The following TRPM3 variants were observed in gnomAD, a reference collection of about 807,000 sequenced individuals.
TRPM3 encodes the protein long transient receptor potential channel 3.
A neutral mutation model predicts 181.2 loss-of-function variants in TRPM3; 77 were observed. The ratio of observed to expected loss-of-function variants is 0.42; its 90% CI spans 0.35 to 0.51. The LOEUF is 0.51. TRPM3 is among the 20% of genes least tolerant of loss of function. The probability of loss-of-function intolerance (pLI) is 0.01; values close to 1 mark genes in which losing one functional copy is unlikely to be tolerated. For missense variants in TRPM3, 1,759 were observed against 2,196.7 expected (o/e 0.80, Z 3.98); for synonymous variants, 745 against 796.4 (o/e 0.94, Z 1.09).
intron 1 of TRPM3, among the ~76,000 whole-genome samples, chr9:70,985,472 T>C (rs1397142608): frequency 6.6e-6 from 1 of 152,218 alleles, no homozygotes; most frequent in Non-Finnish European, 1.5e-5. Context: ...GGTATGTATA[T>C]TTCCAAGCTT....
intron 16 of TRPM3, among the ~76,000 whole-genome samples, chr9:70,619,798 A>T (rs2063360675): frequency 6.6e-6 from 1 of 152,040 alleles, no homozygotes; most frequent in Non-Finnish European, 1.5e-5. Flanking sequence ...GGTTACTTAA[A>T]TTCTCTGAGC....
chr9:71,304,887 C>T (rs2087123993), intron 1 of TRPM3, among the ~76,000 whole-genome samples: 1 of 152,130 alleles, frequency 6.6e-6, no homozygotes, highest in Non-Finnish European at 1.5e-5. Flanking sequence ...GTCTTCTCTC[C>T]TTGCCTAGGA....
chr9:71,172,978 A>T (rs993121431), intron 1 of TRPM3, among the ~76,000 whole-genome samples: 1 of 152,196 alleles, frequency 6.6e-6, no homozygotes, highest in African/African-American at 2.4e-5. Flanking sequence ...AAACCATAAT[A>T]AACTAGAAAA....
In TRPM3 at chr9:70,615,961, C is replaced by G; in HGVS notation, c.2473G>C (p.Glu825Gln). The G allele has an allele frequency of 6.2e-7, 1 of 1,613,068 alleles. No homozygotes were observed. The highest frequency in any genetic ancestry group is 8.5e-7 in the Non-Finnish European group (1 of 1,179,550). Residue 825 changes from glutamate (E) to glutamine (Q), a missense_variant, in exon 18 of 26, where the codon GAA becomes CAA. Glu to Gln is a conservative substitution (Grantham distance 29). Coordinates refer to ENST00000677713, the MANE Select transcript of TRPM3 (RefSeq NM_001366145.2). ...TCCTTTGTGGGCTTCTCTGGTTCTTCTGCCTCCTTCTCTTGGAGGTGGATT... is the reference window on the plus strand; with the variant it reads ...TCCTTTGTGGGCTTCTCTGGTTCTTGTGCCTCCTTCTCTTGGAGGTGGATT... ...QEIHLQEKEA[E>Q]EPEKPTKEKE...
In TRPM3 at chr9:70,531,952, A is replaced by C. The variant is rs2040937010; in HGVS notation, c.*4001T>G. The stretch of plus-strand genomic sequence containing the variant: ...TAAATAACATGGAATTGGGAACATA[A>C]TTAATCATTGCAACATGTGTTTCTT... On this transcript the variant is annotated 3_prime_UTR_variant, in exon 26 of 26. Transcript: ENST00000677713. The C allele has an allele frequency of 8.7e-6, 1 of 115,124 alleles. No individual in the cohort carries two copies. Among genetic ancestry groups the C allele is most frequent in the South Asian group, 4.3e-4 (1 of 2,324 alleles). The allele number at this position is 115,124 out of a possible 1,614,324, so 7.1% of individuals were successfully genotyped here. A position where few individuals can be genotyped will look rare whatever the true frequency, so the allele number is the denominator to read the frequency against.
At chr9:70,679,669 A>G (rs1187589637) in intron 9 of TRPM3, among the ~76,000 whole-genome samples, 1 of 152,184 alleles carries the variant, frequency 6.6e-6, no homozygotes, top group Non-Finnish European at 1.5e-5. Context: ...CTATGCCCCA[A>G]TTTCCTTATT....
chr9:70,819,184 G>A (rs955578389), intron 6 of TRPM3, among the ~76,000 whole-genome samples: 1 of 152,148 alleles, frequency 6.6e-6, no homozygotes, highest in African/African-American at 2.4e-5. Context: ...AGACTGTCCT[G>A]CATATTGTAG....
chr9:71,314,062 C>G lies in TRPM3; in HGVS notation c.183+132591G>C, dbSNP rs146692610. On this transcript the variant is annotated intron_variant, in intron 1 of 24. Transcript: ENST00000357533. Reference sequence around the variant, plus strand: ...CCACTGTTAAAGGCTGAGGACCTCACAATAGAGTCAATAATTTATTTAACT... The same window carrying G: ...CCACTGTTAAAGGCTGAGGACCTCAGAATAGAGTCAATAATTTATTTAACT... Among the ~76,000 whole-genome samples, 291 of 152,202 alleles carry G rather than the reference C, an allele frequency of 1.9e-3. 4 individuals are homozygous for G. The highest frequency in any genetic ancestry group is 6.8e-3 in the African/African-American group (283 of 41,546).
intron 1 of TRPM3, among the ~76,000 whole-genome samples, chr9:70,974,980 T>G (rs111513709): frequency 0.29 from 43,215 of 150,488 alleles, 6,206 homozygotes; most frequent in East Asian, 0.36. Flanking sequence ...CCATCCTCCT[T>G]CCTCAGTCTC....
intron 1 of TRPM3, among the ~76,000 whole-genome samples, chr9:71,372,258 A>T (rs4540467): frequency 0.46 from 70,061 of 151,958 alleles, 17,614 homozygotes; most frequent in East Asian, 0.6. Context: ...GGCTGATTCC[A>T]TGACTTTGCT....
At position 70,530,711 on chromosome 9, in the gene TRPM3, A is replaced by G. The variant is rs545505521; in HGVS notation, c.*5242T>C. On this transcript the variant is annotated 3_prime_UTR_variant, in exon 26 of 26. Transcript: ENST00000677713. ...TACCTTCTGAGAGGAATTAAAAGAA[A>G]AAAATTGCTTTTCCTTAATTGGAAC... is the stretch of plus-strand genomic sequence containing the variant. 1 of 152,332 alleles carries G rather than the reference A, an allele frequency of 6.6e-6. No individual in the cohort carries two copies. Among genetic ancestry groups the G allele is most frequent in the East Asian group, 1.9e-4 (1 of 5,186 alleles). 9.4% of individuals were successfully genotyped at this position (152,332 alleles called of 1,614,324 possible).
intron 1 of TRPM3, among the ~76,000 whole-genome samples, chr9:71,082,873 G>GT (rs2064607350): frequency 6.6e-6 from 1 of 152,146 alleles, no homozygotes; most frequent in Non-Finnish European, 1.5e-5. Flanking sequence ...TACTTAAACT[G>GT]TAAGAGACTT....
intron 1 of TRPM3, among the ~76,000 whole-genome samples, chr9:71,197,988 G>A (rs1282394114): frequency 6.6e-6 from 1 of 151,056 alleles, no homozygotes; most frequent in Non-Finnish European, 1.5e-5. Flanking sequence ...TTTCTTCTAG[G>A]GTTTTTATGG....
chr9:70,768,595 T>G (rs1356769655), intron 7 of TRPM3, among the ~76,000 whole-genome samples: 2 of 125,458 alleles, frequency 1.6e-5, no homozygotes, highest in Non-Finnish European at 3.9e-5. Flanking sequence ...AGAAACTATC[T>G]TTTCTTTTTT....
intron 21 of TRPM3, among the ~76,000 whole-genome samples, chr9:70,596,581 A>G (rs978681412): frequency 2.0e-5 from 3 of 152,076 alleles, no homozygotes; most frequent in Admixed American, 6.5e-5. Context: ...AAAACAAAAA[A>G]TTAGCCTGGC....
chr9:71,012,453 A>G (rs747731887), intron 1 of TRPM3, among the ~76,000 whole-genome samples: 2 of 149,316 alleles, frequency 1.3e-5, no homozygotes, highest in African/African-American at 2.5e-5. Flanking sequence ...CCTTACTGCT[A>G]TCTCTTTTAG....
intron 1 of TRPM3, among the ~76,000 whole-genome samples, chr9:71,177,830 A>G (rs2077187921): frequency 6.6e-6 from 1 of 150,602 alleles, no homozygotes; most frequent in Non-Finnish European, 1.5e-5. Flanking sequence ...GTTATCTTAC[A>G]TTGACTTTCA....
intron 10 of TRPM3, 46 bp downstream of exon 10, chr9:70,640,514 T>G: frequency 6.6e-7 from 1 of 1,524,280 alleles, no homozygotes; most frequent in Non-Finnish European, 9.0e-7. Flanking sequence ...CAAATACCCT[T>G]GGCCAACCAA....
intron 1 of TRPM3, among the ~76,000 whole-genome samples, chr9:71,039,124 G>A (rs563443821): frequency 6.6e-6 from 1 of 152,220 alleles, no homozygotes; most frequent in African/African-American, 2.4e-5. Flanking sequence ...ACCGATTCTG[G>A]CACTCTCATG....
Sources: allele counts gnomAD v4.1 joint callset (sites outside exome capture counted in the v4.1 genomes callset), GRCh38; gene constraint gnomAD v4.1.1; transcripts MANE v1.5; gene names NCBI Gene and HGNC (gene_info 2026-07-23, HGNC 2026-07-21).